The following KANSL1 variants were observed in gnomAD, a reference collection of about 807,000 sequenced individuals.
KANSL1 encodes MLL1/MLL complex subunit KANSL1.
In KANSL1, 22 loss-of-function variants were observed where a neutral mutation model predicts 103.6. That is an observed-to-expected ratio of 0.21 (90% CI 0.15 to 0.30). The LOEUF is 0.30. KANSL1 is among the 10% of genes least tolerant of loss of function. The pLI is 1.00. For synonymous variants in KANSL1, 600 were observed against 527.6 expected, an observed-to-expected ratio of 1.14 and a Z score of -1.88; for missense variants, 1,337 against 1,399.8, an observed-to-expected ratio of 0.96 and a Z score of 0.72.
At chr17:46,057,739 G>A (rs1469266444) in intron 6 of KANSL1, among the ~76,000 whole-genome samples, 1 of 152,202 alleles carries the variant, frequency 6.6e-6, no homozygotes, top group African/African-American at 2.4e-5. Context: ...AAGGATGATT[G>A]TATGCTAAAA....
chr17:46,082,329 C>T lies in KANSL1; in HGVS notation c.1533+112G>A, dbSNP rs77925835. On this transcript the variant is annotated intron_variant, in intron 4 of 14. Coordinates refer to ENST00000432791, the MANE Select transcript of KANSL1 (RefSeq NM_015443.4). ...ACACCAAAAGTGATAAAAGTAGATA[C>T]AGTTCCCCTTCTTCAGCCAATGCAA... 97,538 of 632,918 alleles carry T rather than the reference C, an allele frequency of 0.15. 9,338 individuals are homozygous for T. Among genetic ancestry groups the T allele is most frequent in the Non-Finnish European group, 0.21 (73,371 of 356,900 alleles). The allele number at this position is 632,918 out of a possible 1,614,324, so 39.2% of individuals were successfully genotyped here. A position where few individuals can be genotyped will look rare whatever the true frequency, so the allele number is the denominator to read the frequency against.
intron 2 of KANSL1, among the ~76,000 whole-genome samples, chr17:46,113,826 A>G (rs1321510884): frequency 6.6e-6 from 1 of 152,182 alleles, no homozygotes; most frequent in Non-Finnish European, 1.5e-5. Flanking sequence ...AGTCAATAAC[A>G]TTCACATAGA....
chr17:46,189,097 A>G (rs1450931214), intron 1 of KANSL1, among the ~76,000 whole-genome samples: 1 of 148,560 alleles, frequency 6.7e-6, no homozygotes, highest in Non-Finnish European at 1.5e-5. Flanking sequence ...CCCGTTGCTC[A>G]ACCTACTCAG....
intron 4 of KANSL1, among the ~76,000 whole-genome samples, chr17:46,074,987 G>A (rs746546429): frequency 2.0e-4 from 31 of 152,124 alleles, no homozygotes; most frequent in Non-Finnish European, 4.0e-4. Context: ...AAAACAATGC[G>A]TAACCTCTAA....
chr17:46,129,065 T>A (rs914915371), intron 2 of KANSL1, among the ~76,000 whole-genome samples: 1 of 151,634 alleles, frequency 6.6e-6, no homozygotes, highest in Admixed American at 6.6e-5. Flanking sequence ...GATTTGCCAA[T>A]GGAATAGAAT....
At chr17:46,198,692 A>G (rs1340961801), upstream of KANSL1, among the ~76,000 whole-genome samples, 1 of 152,248 alleles carries the variant, frequency 6.6e-6, no homozygotes, top group Non-Finnish European at 1.5e-5. Context: ...AGATCGCACC[A>G]CTGCACTCCA....
chr17:46,045,883 G>A (rs553240825), intron 7 of KANSL1: 2 of 152,252 alleles, frequency 1.3e-5, no homozygotes, highest in East Asian at 1.9e-4. Context: ...ACAAAGAAAT[G>A]ACTGTTCTGT....
chr17:46,078,248 T>G (rs905036356), intron 4 of KANSL1, among the ~76,000 whole-genome samples: 1 of 152,220 alleles, frequency 6.6e-6, no homozygotes, highest in Non-Finnish European at 1.5e-5. Context: ...CTTTATTGGT[T>G]TCAATCAAAG....
chr17:46,171,300 T>G lies in KANSL1; in HGVS notation c.844A>C (p.Thr282Pro), dbSNP rs1371045758. Residue 282 changes from threonine (T) to proline (P), a missense_variant, in exon 2 of 15, where the codon ACA (threonine) becomes CCA (proline). Thr to Pro is a conservative substitution (Grantham distance 38, BLOSUM62 -1). Around this residue, in one of 2 missense-constraint regions of KANSL1, gnomAD observed 557 missense variants for 476.4 expected, o/e 1.17. Transcript: ENST00000432791. ...CGCCGCAGTAAAGCTGTTATCCTTG[T>G]GTCAGAATCTAAAGCACTGAAAAGA... is the stretch of plus-strand genomic sequence containing the variant. ...SILFSALDSDTRITALLRRQA... is the reference protein window; with the variant it reads ...SILFSALDSDPRITALLRRQA... The G allele has an allele frequency of 2.5e-6, 4 of 1,614,082 alleles. No homozygotes were observed. In the Admixed American group the frequency reaches 5.0e-5, roughly 20 times the overall value.
upstream of KANSL1, among the ~76,000 whole-genome samples, chr17:46,224,144 C>G: frequency 6.6e-6 from 1 of 152,136 alleles, no homozygotes; most frequent in Non-Finnish European, 1.5e-5. Context: ...AAAGAAAGAC[C>G]CTTGCCACAT....
intron 7 of KANSL1, among the ~76,000 whole-genome samples, chr17:46,048,561 C>T (rs1236419770): frequency 6.6e-6 from 1 of 152,130 alleles, no homozygotes; most frequent in Non-Finnish European, 1.5e-5. Context: ...AAGCGAGACT[C>T]TGTCTCAAAA....
At chr17:46,194,119 G>A (rs1717852798), upstream of KANSL1, among the ~76,000 whole-genome samples, 1 of 152,216 alleles carries the variant, frequency 6.6e-6, no homozygotes, top group South Asian at 2.1e-4. Context: ...GGGCCAGCCC[G>A]GGAAGGGACA....
At chr17:46,177,757 TA>T (rs2046591121) in intron 1 of KANSL1, among the ~76,000 whole-genome samples, 1 of 151,728 alleles carries the variant, frequency 6.6e-6, no homozygotes, top group African/African-American at 2.4e-5. Context: ...AATAACTAAG[TA>T]AAACAAAATC....
chr17:46,110,162 T>C (rs1436933926), intron 2 of KANSL1, among the ~76,000 whole-genome samples: 2 of 152,234 alleles, frequency 1.3e-5, no homozygotes, highest in South Asian at 2.1e-4. Context: ...AAAAATCTTT[T>C]ATGTGTTTGA....
chr17:46,135,721 T>C (rs1013598743), intron 2 of KANSL1, among the ~76,000 whole-genome samples: 1 of 127,436 alleles, frequency 7.8e-6, no homozygotes, highest in Non-Finnish European at 1.7e-5. Context: ...TTTTTTTTTT[T>C]GGTAGCGACA....
At chr17:46,085,110 G>T (rs2079117385) in intron 3 of KANSL1, among the ~76,000 whole-genome samples, 1 of 152,012 alleles carries the variant, frequency 6.6e-6, no homozygotes, top group Non-Finnish European at 1.5e-5. Context: ...ATATTTGTTA[G>T]TGTTATACCA....
chr17:46,062,090 TCAAAAAAAAAAAAAAAAAACAAACAAA>T (rs1240885711), intron 6 of KANSL1, among the ~76,000 whole-genome samples: 39 of 20,650 alleles, frequency 1.9e-3, no homozygotes, highest in Admixed American at 5.4e-3. Flanking sequence ...AGACTCCGAC[TCAAAAAAAAAAAAAAAAAACAAACAAA>T]CAAAAAAAAA....
At chr17:46,146,832 CAAAAAAAAAAAAAAAA>C in intron 2 of KANSL1, among the ~76,000 whole-genome samples, 1 of 37,322 alleles carries the variant, frequency 2.7e-5, no homozygotes, top group African/African-American at 8.3e-5. Flanking sequence ...GACTCCGTCT[CAAAAAAAAAAAAAAAA>C]AAAAAAAAAG....
chr17:46,198,422 TAAAAAA>T (rs58312564), upstream of KANSL1, among the ~76,000 whole-genome samples: 232 of 96,104 alleles, frequency 2.4e-3, 1 homozygote, highest in East Asian at 0.011. Flanking sequence ...CTACTTTAAT[TAAAAAA>T]AAAAAAAAAA....
Sources: gnomAD v4.1 joint callset for allele counts (sites outside exome capture counted in the v4.1 genomes callset) on GRCh38, gnomAD v4.1.1 for gene constraint, gnomAD v4.1.1 regional missense constraint, MANE v1.5 for transcripts, NCBI Gene and HGNC (gene_info 2026-07-23, HGNC 2026-07-21) for gene names.